Variants in SDCBP observed in about 807,000 individuals in gnomAD.
SDCBP encodes the protein syntenin-1.
A neutral mutation model predicts 30.5 loss-of-function variants in SDCBP; 22 were observed. The observed-to-expected ratio is 0.72, with a 90% confidence interval of 0.52 to 1.03. SDCBP has a LOEUF of 1.03. SDCBP is among the 50% of genes least tolerant of loss of function. The probability of loss-of-function intolerance (pLI) is 0.00; values close to 1 mark genes in which losing one functional copy is unlikely to be tolerated. For missense variants in SDCBP, 304 were observed against 369.9 expected (o/e 0.82, Z 1.46); for synonymous variants, 103 against 118.7 (o/e 0.87, Z 0.86).
At chr8:58,576,928 G>A (rs1235008233) in intron 5 of SDCBP, among the ~76,000 whole-genome samples, 2 of 152,212 alleles carry the variant, frequency 1.3e-5, no homozygotes, top group Non-Finnish European at 2.9e-5. Flanking sequence ...CACCCAGGGG[G>A]CTGAGGCCAT....
Position 58,579,795 on chromosome 8 carries a change from G to A in SDCBP, c.750+1G>A, listed in dbSNP as rs748081629. 1 of 1,601,704 alleles carries A rather than the reference G, an allele frequency of 6.2e-7. No individual in the cohort carries two copies. Among genetic ancestry groups the A allele is most frequent in the South Asian group, 1.1e-5 (1 of 89,420 alleles). ...TGGACAGAATGTCATTGGATTGAAG[G>A]TAAGGAACAGACTTTGTGCCATGTT... On this transcript the variant is annotated splice_donor_variant, in intron 7 of 8. Coordinates refer to ENST00000260130, the MANE Select transcript of SDCBP (RefSeq NM_005625.4). LOFTEE classifies it high-confidence loss of function.
chr8:58,575,790 T>C, intron 4 of SDCBP, 110 bp from the exon 5 acceptor site: 2 of 844,370 alleles, frequency 2.4e-6, no homozygotes, highest in Non-Finnish European at 3.8e-6. Context: ...GGAAATTATT[T>C]GTGGATTGCT....
rs1322218965 is a variant in SDCBP at position 58,570,952 on chromosome 8, C to T, written c.117C>T (p.Ile39=). 9 of 1,610,214 alleles carry T rather than the reference C, an allele frequency of 5.6e-6. No homozygotes were observed. The highest frequency in any genetic ancestry group is 7.6e-6 in the Non-Finnish European group (9 of 1,176,840). ...TTTTGTCAGAAGCTTCTGCTCCTAT[C>T]CCTCACGATGGAAGTAGGTTTATAC... The part of the protein sequence containing the change: ...PAILSEASAP[I]PHDGNLYPRL... The change falls in exon 3 of 9, where the codon ATC becomes ATT. Residue 39 remains isoleucine (I), a synonymous_variant. Coordinates refer to ENST00000260130, the MANE Select transcript of SDCBP (RefSeq NM_005625.4).
chr8:58,581,737 T>G lies in SDCBP; in HGVS notation c.894T>G (p.Val298=). 1 of 1,611,844 alleles carries G rather than the reference T, an allele frequency of 6.2e-7. No homozygotes were observed. The highest frequency in any genetic ancestry group is 8.5e-7 in the Non-Finnish European group (1 of 1,179,038). Residue 298 remains valine (V), a synonymous_variant, in exon 9 of 9, where the codon GTT becomes GTG. Transcript: ENST00000260130. The part of the protein sequence containing the change: ...KSLMDHTIPE[V] Reference sequence around the variant, plus strand: ...TAATGGACCACACCATTCCTGAGGTTTAAAATTCACGGCACCATGGAAATG... The same window carrying G: ...TAATGGACCACACCATTCCTGAGGTGTAAAATTCACGGCACCATGGAAATG...
At chr8:58,554,212 C>T (rs1183123289) in intron 1 of SDCBP, among the ~76,000 whole-genome samples, 2 of 152,182 alleles carry the variant, frequency 1.3e-5, no homozygotes, top group Non-Finnish European at 2.9e-5. Flanking sequence ...TTACCAAACT[C>T]TTAACATCCG....
At position 58,575,887 on chromosome 8, in the gene SDCBP, A is replaced by G. The variant is rs756129201; in HGVS notation, c.241-13A>G. ...GTTTCTAGATATTGACACATTGTAT[A>G]TGGTTTTGTCAGCAGTTGGTAGCAA... On this transcript the variant is annotated splice_polypyrimidine_tract_variant and intron_variant, in intron 4 of 8. Transcript: ENST00000260130. 6.2e-7 allele frequency: 1 copy of G among 1,602,404 alleles called. No homozygotes were observed. Among genetic ancestry groups the G allele is most frequent in the South Asian group, 1.1e-5 (1 of 90,024 alleles).
intron 1 of SDCBP, among the ~76,000 whole-genome samples, chr8:58,562,572 A>C (rs1804496528): frequency 6.6e-6 from 1 of 152,158 alleles, no homozygotes; most frequent in Non-Finnish European, 1.5e-5. Context: ...TAACGATGCG[A>C]AGACAATTCA....
At chr8:58,576,450 C>G (rs1431482786) in intron 5 of SDCBP, 3 of 151,530 alleles carry the variant, frequency 2.0e-5, no homozygotes, top group African/African-American at 8.1e-5. Flanking sequence ...GAGTCTCGTT[C>G]TGTCGCCAGG....
At chr8:58,557,072 A>G (rs1249060305) in intron 1 of SDCBP, among the ~76,000 whole-genome samples, 2 of 128,612 alleles carry the variant, frequency 1.6e-5, no homozygotes, top group Non-Finnish European at 1.5e-5. Flanking sequence ...ATTATATAGT[A>G]TAGTATAGTA....
chr8:58,557,957 C>T (rs540694150), intron 1 of SDCBP, among the ~76,000 whole-genome samples: 2 of 152,198 alleles, frequency 1.3e-5, no homozygotes, highest in East Asian at 1.9e-4. Flanking sequence ...CCTCTTAAAC[C>T]TCATTATTGG....
chr8:58,575,048 C>T (rs1585704520), intron 4 of SDCBP, among the ~76,000 whole-genome samples: 1 of 152,186 alleles, frequency 6.6e-6, no homozygotes, highest in Non-Finnish European at 1.5e-5. Context: ...CAGCCCCTGA[C>T]AACCTTCCTT....
In SDCBP at chr8:58,572,315, G is replaced by T. The variant is rs748407414; in HGVS notation, c.240+1G>T. The stretch of plus-strand genomic sequence containing the variant: ...GGTTTCTGGTGCACCACTTCAGGGG[G>T]TATGTATAGTGTAATTAATTTTGAT... On this transcript the variant is annotated splice_donor_variant, in intron 4 of 8. Transcript: ENST00000260130. LOFTEE classifies it high-confidence loss of function. 1.3e-6 allele frequency: 2 copies of T among 1,558,746 alleles called. No individual in the cohort carries two copies. Among genetic ancestry groups the T allele is most frequent in the African/African-American group, 1.4e-5 (1 of 73,830 alleles).
chr8:58,561,487 A>G (rs1804441166), intron 1 of SDCBP: 1 of 311,032 alleles, frequency 3.2e-6, no homozygotes, highest in African/African-American at 2.1e-5. Flanking sequence ...TGTCATATAC[A>G]AAGGAGATTC....
At position 58,575,997 on chromosome 8, in the gene SDCBP, G is replaced by T; in HGVS notation, c.338G>T (p.Arg113Leu). Residue 113 changes from arginine to leucine, a missense_variant, in exon 5 of 9, where the codon CGT (arginine) becomes CTT (leucine). By Grantham distance (102) the Arg-to-Leu change is moderately radical. Coordinates refer to ENST00000260130, the MANE Select transcript of SDCBP (RefSeq NM_005625.4). ...IRRAEIKQGIREVILCKDQDG... is the reference protein window; with the variant it reads ...IRRAEIKQGILEVILCKDQDG... The stretch of plus-strand genomic sequence containing the variant: ...AGAGCAGAAATTAAGCAAGGGATTC[G>T]TGAAGTCATTTTGTGTAAGGATCAA... 2 of 1,613,500 alleles carry T rather than the reference G, an allele frequency of 1.2e-6. No homozygotes were observed. The highest frequency in any genetic ancestry group is 1.7e-6 in the Non-Finnish European group (2 of 1,179,602).
At chr8:58,557,388 A>C (rs141962513) in intron 1 of SDCBP, among the ~76,000 whole-genome samples, 2,355 of 125,586 alleles carry the variant, frequency 0.019, 31 homozygotes, top group African/African-American at 0.039. Flanking sequence ...AAAAATATTT[A>C]TATTTAAAAT....
intron 3 of SDCBP, among the ~76,000 whole-genome samples, 163 bp downstream of exon 3, chr8:58,571,128 C>T (rs1335085690): frequency 6.6e-6 from 1 of 151,982 alleles, no homozygotes; most frequent in African/African-American, 2.4e-5. Context: ...AAAAAATAAC[C>T]CTTTTTCTAA....
At chr8:58,553,703 T>G (rs779951624) in intron 1 of SDCBP, among the ~76,000 whole-genome samples, 5 of 152,232 alleles carry the variant, frequency 3.3e-5, no homozygotes, top group Non-Finnish European at 5.9e-5. Context: ...GATCTCGACA[T>G]AAGAAAGAGC....
Position 58,582,086 on chromosome 8 carries a change from G to A in SDCBP, c.*346G>A. 3.7e-6 allele frequency: 1 copy of A among 266,684 alleles called. No homozygotes were observed. The highest frequency in any genetic ancestry group is 9.3e-5 in the East Asian group (1 of 10,748). The allele number at this position is 266,684 out of a possible 1,614,324, so 16.5% of individuals were successfully genotyped here. On this transcript the variant is annotated 3_prime_UTR_variant, in exon 9 of 9. Coordinates refer to ENST00000260130, the MANE Select transcript of SDCBP (RefSeq NM_005625.4). Reference sequence around the variant, plus strand: ...GTGAAAACCAGTCACCTTTCTCCTAGGTAATGAGTAGTGCTGTTCATATTA... The same window carrying A: ...GTGAAAACCAGTCACCTTTCTCCTAAGTAATGAGTAGTGCTGTTCATATTA...
chr8:58,568,464 G>A (rs1250348192), intron 2 of SDCBP, among the ~76,000 whole-genome samples: 2 of 152,084 alleles, frequency 1.3e-5, no homozygotes, highest in Non-Finnish European at 2.9e-5. Flanking sequence ...CTGTTTTACA[G>A]TTAACTTTTT....
Sources: allele counts gnomAD v4.1 joint callset (sites outside exome capture counted in the v4.1 genomes callset), GRCh38; gene constraint gnomAD v4.1.1; transcripts MANE v1.5; gene names NCBI Gene and HGNC (gene_info 2026-07-23, HGNC 2026-07-21).